SSBP2: variants seen among roughly 807,000 people sequenced by gnomAD.
SSBP2 encodes the protein single stranded DNA binding protein 2, also known as single-stranded DNA-binding protein 2.
A neutral mutation model predicts 61.8 loss-of-function variants in SSBP2; 17 were observed. The ratio of observed to expected loss-of-function variants is 0.28; its 90% CI spans 0.19 to 0.41. SSBP2 has a LOEUF of 0.41. Among genes scored for constraint, SSBP2 ranks in the 10% least tolerant of loss-of-function variants. SSBP2 has a pLI of 1.00. For missense variants in SSBP2, 310 were observed against 458.7 expected (o/e 0.68, Z 2.96); for synonymous variants, 139 against 141.3 (o/e 0.98, Z 0.12).
intron 6 of SSBP2, among the ~76,000 whole-genome samples, chr5:81,474,909 T>C (rs1765486713): frequency 6.6e-6 from 1 of 152,192 alleles, no homozygotes. Flanking sequence ...ATTTTGCTTC[T>C]TACATGTAAA....
At chr5:81,440,091 G>GTTAA (rs1355629870) in intron 14 of SSBP2, among the ~76,000 whole-genome samples, 2 of 152,230 alleles carry the variant, frequency 1.3e-5, no homozygotes, top group East Asian at 3.9e-4. Flanking sequence ...ACAATTTTAT[G>GTTAA]TTAAAAAGGA....
intron 4 of SSBP2, among the ~76,000 whole-genome samples, chr5:81,541,212 A>G (rs1409376296): frequency 6.6e-6 from 1 of 152,188 alleles, no homozygotes; most frequent in Non-Finnish European, 1.5e-5. Context: ...CATCTAACCA[A>G]GTAGTTGAAA....
chr5:81,588,843 C>T (rs1335580843), intron 4 of SSBP2, among the ~76,000 whole-genome samples: 1 of 152,152 alleles, frequency 6.6e-6, no homozygotes, highest in African/African-American at 2.4e-5. Flanking sequence ...GCAGGTGGAA[C>T]TCCTGAGCCC....
At chr5:81,573,121 A>G (rs1773950802) in intron 4 of SSBP2, among the ~76,000 whole-genome samples, 1 of 152,220 alleles carries the variant, frequency 6.6e-6, no homozygotes, top group Non-Finnish European at 1.5e-5. Context: ...CATACTTAAT[A>G]AAAAGATCTG....
In SSBP2 at chr5:81,650,249, A is replaced by G. The variant is rs201353700; in HGVS notation, c.135+18T>C. The G allele has an allele frequency of 1.4e-5, 22 of 1,521,826 alleles. No homozygotes were observed. In the African/African-American group the frequency reaches 3.1e-4, roughly 21 times the overall value. 94.3% of individuals were successfully genotyped at this position (1,521,826 alleles called of 1,614,324 possible). A position where few individuals can be genotyped will look rare whatever the true frequency, so the allele number is the denominator to read the frequency against. On this transcript the variant is annotated intron_variant, in intron 2 of 16. Coordinates refer to ENST00000320672, the MANE Select transcript of SSBP2 (RefSeq NM_012446.5). ...TATATAAGATCAAAATGCAATACAG[A>G]AAATATATAAAACATACCTCTGATA...
chr5:81,610,833 C>T (rs1011769631), intron 4 of SSBP2, among the ~76,000 whole-genome samples: 9 of 151,878 alleles, frequency 5.9e-5, no homozygotes, highest in Admixed American at 4.6e-4. Flanking sequence ...ATCTCTACTA[C>T]AAATACAAAA....
intron 10 of SSBP2, among the ~76,000 whole-genome samples, chr5:81,456,350 CTT>C (rs34736090): frequency 6.0e-5 from 8 of 133,446 alleles, no homozygotes; most frequent in East Asian, 4.3e-4. Context: ...CTATTTCTGC[CTT>C]TTTTTTTTTT....
At chr5:81,707,435 C>T (rs1754471538) in intron 1 of SSBP2, among the ~76,000 whole-genome samples, 1 of 152,052 alleles carries the variant, frequency 6.6e-6, no homozygotes, top group Non-Finnish European at 1.5e-5. Context: ...GAGATACTTA[C>T]AGAGGGAAGG....
intron 4 of SSBP2, among the ~76,000 whole-genome samples, chr5:81,574,995 T>A (rs1295667104): frequency 2.6e-5 from 4 of 152,138 alleles, no homozygotes; most frequent in African/African-American, 9.7e-5. Context: ...TCAGACCGGG[T>A]GCAGTAGCTC....
At chr5:81,515,671 A>C (rs1768959139) in intron 4 of SSBP2, among the ~76,000 whole-genome samples, 1 of 149,350 alleles carries the variant, frequency 6.7e-6, no homozygotes, top group African/African-American at 2.5e-5. Flanking sequence ...TAAATATTTG[A>C]CTAATTGCTT....
chr5:81,601,769 G>A (rs533108603), intron 4 of SSBP2, among the ~76,000 whole-genome samples: 1 of 152,190 alleles, frequency 6.6e-6, no homozygotes, highest in South Asian at 2.1e-4. Flanking sequence ...CAAAGTCCAG[G>A]ATCTAATCAC....
rs1580989188 is a variant in SSBP2, at chr5:81,547,858, G to A, written c.283-34141C>T. On this transcript the variant is annotated intron_variant, in intron 4 of 16. Transcript: ENST00000320672. ...TATGATTCCAAATATATGATATTCT[G>A]GAAAAGGCAAAAGGAGACAGTGAAA... 3.9e-5 allele frequency among the ~76,000 whole-genome samples: 6 copies of A among 152,158 alleles called. 1 individual carries two copies. In the South Asian group the frequency reaches 1.2e-3, roughly 32 times the overall value.
chr5:81,494,166 T>G lies in SSBP2; in HGVS notation c.373-4857A>C, dbSNP rs189504218. ...TCAATCTGTTGTCTTTCCTCAAAAGTCATATTACATCATCCCTATTTGATA... is the reference window on the plus strand; with the variant it reads ...TCAATCTGTTGTCTTTCCTCAAAAGGCATATTACATCATCCCTATTTGATA... On this transcript the variant is annotated intron_variant, in intron 5 of 16. Transcript: ENST00000320672. Among the ~76,000 whole-genome samples, 211 of 152,312 alleles carry G rather than the reference T, an allele frequency of 1.4e-3. 1 individual carries two copies. The highest frequency in any genetic ancestry group is 0.012 in the East Asian group (61 of 5,184).
intron 9 of SSBP2, 71 bp from the exon 10 acceptor site, chr5:81,461,174 A>G: frequency 8.2e-7 from 1 of 1,213,034 alleles, no homozygotes; most frequent in Non-Finnish European, 1.2e-6. Context: ...ATGACAAATC[A>G]TAAAATATAA....
At chr5:81,547,745 T>C (rs1225697195) in intron 4 of SSBP2, among the ~76,000 whole-genome samples, 5 of 152,212 alleles carry the variant, frequency 3.3e-5, no homozygotes, top group Non-Finnish European at 7.3e-5. Context: ...AATGCTGGAA[T>C]TAAACATATG....
chr5:81,434,383 C>T (rs1389574405), intron 15 of SSBP2, among the ~76,000 whole-genome samples: 2 of 151,882 alleles, frequency 1.3e-5, no homozygotes, highest in Non-Finnish European at 2.9e-5. Flanking sequence ...GATGGCCGGG[C>T]GCAGTGGCTC....
intron 4 of SSBP2, among the ~76,000 whole-genome samples, chr5:81,575,591 A>G (rs541146025): frequency 6.6e-6 from 1 of 152,146 alleles, no homozygotes. Flanking sequence ...AACATAAGAC[A>G]ATACAAGGAA....
At chr5:81,700,378 A>G (rs966131761) in intron 1 of SSBP2, among the ~76,000 whole-genome samples, 4 of 152,228 alleles carry the variant, frequency 2.6e-5, no homozygotes, top group African/African-American at 9.6e-5. Context: ...GCCATGCTAT[A>G]AATAGATGTA....
intron 4 of SSBP2, among the ~76,000 whole-genome samples, chr5:81,600,576 A>C (rs892628095): frequency 1.3e-4 from 20 of 150,890 alleles, no homozygotes; most frequent in African/African-American, 3.4e-4. Context: ...AAAAAAAAAA[A>C]AAAACAAAAA....
Sources: allele counts gnomAD v4.1 joint callset (sites outside exome capture counted in the v4.1 genomes callset), GRCh38; gene constraint gnomAD v4.1.1; transcripts MANE v1.5; gene names NCBI Gene and HGNC (gene_info 2026-07-23, HGNC 2026-07-21).